SYNE1: variants seen among roughly 807,000 people sequenced by gnomAD.
SYNE1 encodes the protein spectrin repeat containing nuclear envelope protein 1.
In SYNE1, 616 loss-of-function variants were observed where a neutral mutation model predicts 1,111.0. The ratio of observed to expected loss-of-function variants is 0.55; its 90% CI spans 0.52 to 0.59. The LOEUF (loss-of-function observed/expected upper bound fraction) is 0.59. Among genes scored for constraint, SYNE1 ranks in the 20% least tolerant of loss-of-function variants. The pLI is 0.00. For missense variants in SYNE1, 10,006 were observed against 10,417.0 expected (o/e 0.96, Z 1.72); for synonymous variants, 3,855 against 3,825.8 (o/e 1.01, Z -0.28).
chr6:152,507,577 A>C (rs1299117973), intron 8 of SYNE1, among the ~76,000 whole-genome samples: 1 of 152,192 alleles, frequency 6.6e-6, no homozygotes, highest in Non-Finnish European at 1.5e-5. Flanking sequence ...AGAATTTTAG[A>C]TATGAACCAA....
intron 96 of SYNE1, among the ~76,000 whole-genome samples, 169 bp downstream of exon 96, chr6:152,283,809 A>T (rs912381557): frequency 1.3e-5 from 2 of 152,220 alleles, no homozygotes; most frequent in Non-Finnish European, 2.9e-5. Flanking sequence ...TGCTGGGATT[A>T]CAGGTGTGAA....
Position 152,227,778 on chromosome 6 carries a change from T to C in SYNE1, c.21196-1902A>G, listed in dbSNP as rs17082365. On this transcript the variant is annotated intron_variant, in intron 115 of 145. Transcript: ENST00000367255. ...AATGTTCCATTGCTTAGAAACTATT[T>C]CTAAAATGCCCTGCACACGTATGTT... Among the ~76,000 whole-genome samples, 195 of 152,232 alleles carry C rather than the reference T, an allele frequency of 1.3e-3. 5 individuals are homozygous for C. In the East Asian group the frequency reaches 0.035, roughly 27 times the overall value.
At chr6:152,241,527 T>TGTGTGTGTGTGTGTGTGTGTGTGA (rs59737931) in intron 107 of SYNE1, among the ~76,000 whole-genome samples, 8,184 of 144,822 alleles carry the variant, frequency 0.057, 331 homozygotes, top group Non-Finnish European at 0.064. Context: ...TGTGTGTGTG[T>TGTGTGTGTGTGTGTGTGTGTGTGA]GTGAAATACG....
intron 3 of SYNE1, among the ~76,000 whole-genome samples, chr6:152,560,815 C>A (rs750956300): frequency 6.6e-6 from 1 of 152,018 alleles, no homozygotes; most frequent in Non-Finnish European, 1.5e-5. Context: ...AGATAAAAGT[C>A]GTATGATCAT....
chr6:152,318,109 G>C lies in SYNE1; in HGVS notation c.16544C>G (p.Ala5515Gly), dbSNP rs1021830711. The change falls in exon 86 of 146, where the codon GCT becomes GGT. Residue 5515 changes from alanine to glycine, a missense_variant. This residue lies in a region of SYNE1 where 4,955 missense variants were observed against 5,017.2 expected (regional missense o/e 0.99). Transcript: ENST00000367255. Reference sequence around the variant, plus strand: ...ATTGAGCTTGGAGAGCCGATTCTCAGCTTGTCTAATGGTCTGCTGGTGAAG... The same window carrying C: ...ATTGAGCTTGGAGAGCCGATTCTCACCTTGTCTAATGGTCTGCTGGTGAAG... ...TELHQQTIRQ[A>G]ENRLSKLNQA... 2.5e-6 allele frequency: 4 copies of C among 1,614,096 alleles called. No homozygotes were observed. In the Admixed American group the frequency reaches 5.0e-5, roughly 20 times the overall value.
intron 51 of SYNE1, among the ~76,000 whole-genome samples, 196 bp from the exon 52 acceptor site, chr6:152,391,764 C>T (rs952506087): frequency 7.9e-5 from 12 of 152,046 alleles, no homozygotes; most frequent in African/African-American, 2.9e-4. Context: ...GTTGTCAGTA[C>T]CTATCAGGGG....
intron 63 of SYNE1, among the ~76,000 whole-genome samples, chr6:152,363,022 A>AGG (rs2096961532): frequency 1.3e-5 from 2 of 151,110 alleles, no homozygotes; most frequent in Non-Finnish European, 3.0e-5. Flanking sequence ...CTGGGACTAC[A>AGG]TGCCCCCGCC....
chr6:152,197,998 TC>T (rs1450946432), intron 127 of SYNE1, among the ~76,000 whole-genome samples: 1 of 140,836 alleles, frequency 7.1e-6, no homozygotes, highest in Non-Finnish European at 1.5e-5. Flanking sequence ...CAAAACTCTG[TC>T]AGGAAGGGGA....
rs2084009265 is a variant in SYNE1, at chr6:152,236,252, CTAA to C, written c.20248_20250del (p.Leu6750del). 1 of 1,613,926 alleles carries C rather than the reference CTAA, an allele frequency of 6.2e-7. No individual in the cohort carries two copies. The highest frequency in any genetic ancestry group is 8.5e-7 in the Non-Finnish European group (1 of 1,179,994). ...GATATCAGAAGTCGTTTCCCATCAT[CTAA>C]TACTTGATATAATTTGGGCTGGTAT... is the stretch of plus-strand genomic sequence containing the variant. On this transcript the variant is annotated inframe_deletion, in exon 110 of 146. Transcript: ENST00000367255.
At chr6:152,522,335 C>T (rs1052786681) in intron 5 of SYNE1, among the ~76,000 whole-genome samples, 3 of 152,044 alleles carry the variant, frequency 2.0e-5, no homozygotes, top group Admixed American at 6.6e-5. Flanking sequence ...TGAATTACTT[C>T]GCTTAGAATA....
intron 4 of SYNE1, among the ~76,000 whole-genome samples, chr6:152,529,925 A>C (rs2099187662): frequency 6.7e-6 from 1 of 148,260 alleles, no homozygotes; most frequent in Non-Finnish European, 1.5e-5. Context: ...CAACCCCAGC[A>C]AAAAAAAAGT....
rs977078967 is a variant in SYNE1 at position 152,122,344 on chromosome 6, A to G, written c.*92T>C. 3.1e-6 allele frequency: 5 copies of G among 1,608,140 alleles called. No individual in the cohort carries two copies. In the South Asian group the frequency reaches 3.3e-5, roughly 11 times the overall value. ...AGCTGCCACACCGAGGGCTTTCGCCAAGATCAAGGTCCTCTTGTTGGTAGT... is the reference window on the plus strand; with the variant it reads ...AGCTGCCACACCGAGGGCTTTCGCCGAGATCAAGGTCCTCTTGTTGGTAGT... On this transcript the variant is annotated 3_prime_UTR_variant, in exon 146 of 146. Coordinates refer to ENST00000367255, the MANE Select transcript of SYNE1 (RefSeq NM_182961.4).
intron 63 of SYNE1, 52 bp downstream of exon 63, chr6:152,364,795 T>C: frequency 1.2e-6 from 2 of 1,611,704 alleles, no homozygotes; most frequent in Admixed American, 3.3e-5. Flanking sequence ...AGTAGTATTA[T>C]ATTGATCTTT....
At chr6:152,293,133 T>C (rs1405617520) in intron 95 of SYNE1, among the ~76,000 whole-genome samples, 1 of 152,216 alleles carries the variant, frequency 6.6e-6, no homozygotes, top group African/African-American at 2.4e-5. Flanking sequence ...TTAGAACTTA[T>C]GAAGTCTGAG....
At chr6:152,530,716 G>A (rs1002160618) in intron 4 of SYNE1, among the ~76,000 whole-genome samples, 1 of 151,548 alleles carries the variant, frequency 6.6e-6, no homozygotes, top group Non-Finnish European at 1.5e-5. Flanking sequence ...CTGCCTCCCG[G>A]GTTCATGCCA....
At position 152,505,266 on chromosome 6, in the gene SYNE1, T is replaced by C. The variant is rs1352323209; in HGVS notation, c.713A>G (p.Asn238Ser). Residue 238 changes from asparagine (N) to serine (S), a missense_variant, in exon 9 of 146, where the codon AAT (asparagine) becomes AGT (serine). By Grantham distance (46) the Asn-to-Ser change is conservative. Coordinates refer to ENST00000367255, the MANE Select transcript of SYNE1 (RefSeq NM_182961.4). ...ETVKGRSNRE[N>S]LEDAFTIAET... ...GGCGATAGTGAAAGCATCCTCCAAA[T>C]TTTCTCGGTTGGATCTGCCTTTCAC... 5 of 1,614,006 alleles carry C rather than the reference T, an allele frequency of 3.1e-6. No individual in the cohort carries two copies. In the East Asian group the frequency reaches 6.7e-5, roughly 22 times the overall value.
intron 73 of SYNE1, among the ~76,000 whole-genome samples, chr6:152,346,812 A>AC (rs1364964571): frequency 3.3e-5 from 5 of 152,134 alleles, no homozygotes; most frequent in African/African-American, 1.2e-4. Flanking sequence ...TCCGTCTCAA[A>AC]CAAAACAAAA....
At chr6:152,520,113 G>A (rs2623958) in intron 6 of SYNE1, among the ~76,000 whole-genome samples, 98,670 of 151,932 alleles carry the variant, frequency 0.65, 32,684 homozygotes, top group African/African-American at 0.75. Context: ...ACTAGAGTGG[G>A]TCCTGGAACA....
chr6:152,605,076 A>AGAAGGAAG (rs376634946), intron 3 of SYNE1, among the ~76,000 whole-genome samples: 755 of 32,304 alleles, frequency 0.023, 23 homozygotes, highest in African/African-American at 0.046. Context: ...GAGGGAGGAA[A>AGAAGGAAG]GAAGGAAGGA....
Sources: allele counts gnomAD v4.1 joint callset (sites outside exome capture counted in the v4.1 genomes callset), GRCh38; gene constraint gnomAD v4.1.1; regional missense constraint gnomAD v4.1.1; transcripts MANE v1.5; gene names NCBI Gene and HGNC (gene_info 2026-07-23, HGNC 2026-07-21).